DAB1: variants seen among roughly 807,000 people sequenced by gnomAD.
DAB1 encodes disabled homolog 1.
DAB1 carries 15 observed loss-of-function variants against 64.6 expected under a neutral mutation model. The observed-to-expected ratio is 0.23, with a 90% CI of 0.16 to 0.36. The LOEUF is 0.36. Among genes scored for constraint, DAB1 ranks in the 10% least tolerant of loss-of-function variants. The probability of loss-of-function intolerance (pLI) is 1.00; values close to 1 mark genes in which losing one functional copy is unlikely to be tolerated. For synonymous variants in DAB1, 235 were observed against 251.9 expected (o/e 0.93, Z 0.64); for missense variants, 596 against 706.7 (o/e 0.84, Z 1.78).
intron 2 of DAB1, among the ~76,000 whole-genome samples, chr1:58,510,556 C>A (rs371328207): frequency 6.6e-5 from 10 of 152,036 alleles, no homozygotes; most frequent in African/African-American, 2.4e-4. Flanking sequence ...TCCTCTAAGT[C>A]TAGGAACAAG....
At chr1:58,543,052 G>C (rs569465807) in intron 1 of DAB1, among the ~76,000 whole-genome samples, 1 of 151,748 alleles carries the variant, frequency 6.6e-6, no homozygotes, top group African/African-American at 2.4e-5. Flanking sequence ...CAGAAGATAA[G>C]TGAGAGACCA....
At chr1:57,369,025 A>G (rs1680286282) in intron 1 of DAB1, among the ~76,000 whole-genome samples, 1 of 152,230 alleles carries the variant, frequency 6.6e-6, no homozygotes, top group South Asian at 2.1e-4. Flanking sequence ...CATTTGCTCC[A>G]TTGTGGTGCC....
intron 5 of DAB1, among the ~76,000 whole-genome samples, chr1:58,085,672 TA>T (rs1333317583): frequency 2.0e-5 from 3 of 152,042 alleles, no homozygotes; most frequent in Non-Finnish European, 4.4e-5. Context: ...CCAACTACCT[TA>T]TTTTTTAAAT....
chr1:57,490,972 A>G (rs11801207), intron 7 of DAB1, among the ~76,000 whole-genome samples: 1,923 of 152,330 alleles, frequency 0.013, 32 homozygotes, highest in African/African-American at 0.044. Context: ...TCACTGTAAT[A>G]ACTTGAAATG....
rs372207004 is a variant in DAB1 at position 57,192,861 on chromosome 1, C to T, written c.68-47432G>A. Among the ~76,000 whole-genome samples the T allele has an allele frequency of 2.8e-4, 42 of 152,216 alleles. No homozygotes were observed. The East Asian group carries it at 7.5e-3, about 27-fold the overall frequency. ...GTGCAATTCAGTGTTTCTTAGTATA[C>T]TCATAAGGTTGTACAACCACCATTG... On this transcript the variant is annotated intron_variant, in intron 2 of 14. Transcript: ENST00000371236.
rs534223291 is a variant in DAB1, at chr1:58,105,395, G to A, written n.387+45116C>T. 2.9e-4 allele frequency among the ~76,000 whole-genome samples: 44 copies of A among 152,260 alleles called. 1 individual carries two copies. Among genetic ancestry groups the A allele is most frequent in the Middle Eastern group, 6.8e-3 (2 of 294 alleles). The stretch of plus-strand genomic sequence containing the variant: ...ATACAAGGGCTGCCATTGCTTTAGG[G>A]CCCCCATGTGCTGGGTGCCCGCATG... On this transcript the variant is annotated intron_variant and non_coding_transcript_variant, in intron 5 of 20. Coordinates refer to the DAB1 transcript ENST00000485760.
chr1:57,301,206 G>A (rs973729026), intron 1 of DAB1, among the ~76,000 whole-genome samples: 7 of 152,142 alleles, frequency 4.6e-5, no homozygotes, highest in Admixed American at 2.0e-4. Context: ...ACACTGACTC[G>A]GTGTAAGCAG....
At chr1:58,537,241 A>T (rs562204374) in intron 1 of DAB1, among the ~76,000 whole-genome samples, 41 of 152,298 alleles carry the variant, frequency 2.7e-4, no homozygotes, top group African/African-American at 9.4e-4. Flanking sequence ...TAGCCACTTA[A>T]TAGGGATAAA....
intron 5 of DAB1, among the ~76,000 whole-genome samples, chr1:57,957,991 CT>C (rs771384893): frequency 0.017 from 2,413 of 143,746 alleles, 38 homozygotes; most frequent in African/African-American, 0.044. Flanking sequence ...GGATGATGTG[CT>C]TTTTTTTTTT....
At chr1:57,733,137 C>T (rs1490821723) in intron 6 of DAB1, among the ~76,000 whole-genome samples, 1 of 152,042 alleles carries the variant, frequency 6.6e-6, no homozygotes, top group Non-Finnish European at 1.5e-5. Context: ...AGGAAATCAA[C>T]CACTGAACTC....
At position 57,161,851 on chromosome 1, in the gene DAB1, A is replaced by C. The variant is rs562659696; in HGVS notation, c.68-16422T>G. Among the ~76,000 whole-genome samples, 117 of 137,772 alleles carry C rather than the reference A, an allele frequency of 8.5e-4. 1 individual carries two copies. Among genetic ancestry groups the C allele is most frequent in the Non-Finnish European group, 1.5e-3 (98 of 64,066 alleles). 90.4% of individuals were successfully genotyped at this position (137,772 alleles called of 152,430 possible). ...ATACACACGCAAACACCCATTCTTC[A>C]AAAAAAAAAAAAAAGTTCATACTAT... is the stretch of plus-strand genomic sequence containing the variant. On this transcript the variant is annotated intron_variant, in intron 2 of 14. Coordinates refer to ENST00000371236, the MANE Select transcript of DAB1 (RefSeq NM_001365792.1).
chr1:57,565,787 G>T (rs1482538133), intron 7 of DAB1, among the ~76,000 whole-genome samples: 2 of 152,112 alleles, frequency 1.3e-5, no homozygotes, highest in African/African-American at 4.8e-5. Context: ...GCTCCTTAGA[G>T]ACCTACAAAG....
At chr1:57,701,376 A>T (rs554480337) in intron 6 of DAB1, among the ~76,000 whole-genome samples, 2 of 152,322 alleles carry the variant, frequency 1.3e-5, no homozygotes, top group African/African-American at 4.8e-5. Flanking sequence ...ATGCAGCCAT[A>T]AAAAATGATG....
chr1:58,127,048 T>G (rs868172480), intron 5 of DAB1, among the ~76,000 whole-genome samples: 2 of 150,786 alleles, frequency 1.3e-5, no homozygotes, highest in Non-Finnish European at 1.5e-5. Flanking sequence ...ACTTCCACAA[T>G]GGTTGAACTA....
At chr1:58,300,544 A>AAAAAGAAAG (rs1359971427) in intron 4 of DAB1, among the ~76,000 whole-genome samples, 29 of 101,180 alleles carry the variant, frequency 2.9e-4, no homozygotes, top group Non-Finnish European at 4.3e-4. Flanking sequence ...TGAAACTCTG[A>AAAAAGAAAG]AAAGAAAGAA....
intron 1 of DAB1, chr1:58,542,350 G>C (rs534022138): frequency 2.0e-5 from 3 of 152,234 alleles, no homozygotes; most frequent in Non-Finnish European, 4.4e-5. Context: ...TCATTGGCTA[G>C]GGGCCATGAG....
intron 5 of DAB1, among the ~76,000 whole-genome samples, chr1:57,942,259 C>T (rs1482899555): frequency 1.3e-5 from 2 of 152,150 alleles, no homozygotes; most frequent in Admixed American, 6.5e-5. Context: ...TCAACCAACA[C>T]TGAGCAGCTG....
In DAB1 at chr1:57,198,079, T is replaced by G. The variant is rs566894624; in HGVS notation, c.68-52650A>C. 1.2e-4 allele frequency among the ~76,000 whole-genome samples: 19 copies of G among 152,358 alleles called. No individual in the cohort carries two copies. The South Asian group carries it at 3.3e-3, about 27-fold the overall frequency. On this transcript the variant is annotated intron_variant, in intron 2 of 14. Coordinates refer to ENST00000371236, the MANE Select transcript of DAB1 (RefSeq NM_001365792.1). ...ACTACAATATATGAAAATATGCTTC[T>G]TCCATAAACTCTGTCTGCCAAACCT... is the stretch of plus-strand genomic sequence containing the variant.
At chr1:57,723,653 C>T (rs1488942252) in intron 6 of DAB1, among the ~76,000 whole-genome samples, 5 of 152,172 alleles carry the variant, frequency 3.3e-5, no homozygotes, top group African/African-American at 1.2e-4. Context: ...GTTTTCTTTT[C>T]CCCCAAGCCC....
Sources: allele counts gnomAD v4.1 joint callset (sites outside exome capture counted in the v4.1 genomes callset), GRCh38; gene constraint gnomAD v4.1.1; transcripts MANE v1.5; gene names NCBI Gene and HGNC (gene_info 2026-07-23, HGNC 2026-07-21).